Variants in CHST9 observed in about 807,000 individuals in gnomAD.
The protein encoded by CHST9 is GalNAc-4-sulfotransferase 2.
In CHST9, 41 loss-of-function variants were observed where a neutral mutation model predicts 44.4. The observed-to-expected ratio is 0.92, with a 90% CI of 0.72 to 1.20. The LOEUF (loss-of-function observed/expected upper bound fraction) is 1.20, where lower values mean the gene tolerates loss of function less well. CHST9 is among the 50% of genes most tolerant of loss of function. The pLI is 0.00. For synonymous variants in CHST9, 171 were observed against 178.4 expected (o/e 0.96, Z 0.33); for missense variants, 504 against 516.5 (o/e 0.98, Z 0.23).
intron 2 of CHST9, among the ~76,000 whole-genome samples, chr18:27,092,541 GTGTTGATT>G (rs2058079327): frequency 6.6e-6 from 1 of 152,006 alleles, no homozygotes; most frequent in South Asian, 2.1e-4. Context: ...TGGTGTTAGG[GTGTTGATT>G]TTAGATCTTT....
In CHST9 at chr18:26,910,410, A is replaced by G. The variant is rs1025815885; in HGVS notation, c.*5849T>C. 1 of 152,196 alleles carries G rather than the reference A, an allele frequency of 6.6e-6. No individual in the cohort carries two copies. The highest frequency in any genetic ancestry group is 2.4e-5 in the African/African-American group (1 of 41,420). The allele number at this position is 152,196 out of a possible 1,614,324, so 9.4% of individuals were successfully genotyped here. A position where few individuals can be genotyped will look rare whatever the true frequency, so the allele number is the denominator to read the frequency against. On this transcript the variant is annotated 3_prime_UTR_variant, in exon 6 of 6. Coordinates refer to ENST00000618847, the MANE Select transcript of CHST9 (RefSeq NM_031422.6). ...GGAAGCTTGGCGGGGGAAGGAATAC[A>G]CTCTTCAGAGCAGGACTTGAAAAGT...
chr18:27,079,947 C>T (rs537859029), intron 2 of CHST9, among the ~76,000 whole-genome samples: 3 of 152,298 alleles, frequency 2.0e-5, no homozygotes, highest in South Asian at 2.1e-4. Context: ...ATAATCTCCC[C>T]ATCTGGGGTC....
At chr18:26,923,850 G>T (rs1598558943) in intron 5 of CHST9, among the ~76,000 whole-genome samples, 1 of 152,122 alleles carries the variant, frequency 6.6e-6, no homozygotes, top group Non-Finnish European at 1.5e-5. Flanking sequence ...ATTTTTGGGG[G>T]CAAATTTCAC....
chr18:27,027,842 T>C (rs1008768141), intron 3 of CHST9, among the ~76,000 whole-genome samples: 14 of 152,174 alleles, frequency 9.2e-5, no homozygotes. Context: ...GATTTAAGTT[T>C]TTCCCCAATA....
At chr18:26,977,763 G>A (rs1000901924) in intron 4 of CHST9, among the ~76,000 whole-genome samples, 1 of 152,150 alleles carries the variant, frequency 6.6e-6, no homozygotes, top group Non-Finnish European at 1.5e-5. Flanking sequence ...ATTACACTGA[G>A]GCCAGGCAGA....
intron 4 of CHST9, among the ~76,000 whole-genome samples, chr18:27,006,632 TC>T (rs1465669522): frequency 6.6e-6 from 1 of 152,216 alleles, no homozygotes; most frequent in African/African-American, 2.4e-5. Context: ...CAGTTGCAGC[TC>T]TTTTTGTACT....
At chr18:27,182,247 G>A (rs2058918051) in intron 1 of CHST9, among the ~76,000 whole-genome samples, 1 of 151,972 alleles carries the variant, frequency 6.6e-6, no homozygotes, top group South Asian at 2.1e-4. Context: ...AATATCCAAA[G>A]GTTTTAATTA....
chr18:27,101,609 C>A (rs2058173360), intron 2 of CHST9, among the ~76,000 whole-genome samples: 1 of 147,032 alleles, frequency 6.8e-6, no homozygotes, highest in South Asian at 2.2e-4. Flanking sequence ...GACTCTGTCT[C>A]AAAAAAAATA....
chr18:27,128,430 C>T (rs999752748), intron 2 of CHST9, among the ~76,000 whole-genome samples: 1 of 152,066 alleles, frequency 6.6e-6, no homozygotes, highest in Non-Finnish European at 1.5e-5. Context: ...CCATGACGCC[C>T]GGCTAATTTT....
intron 3 of CHST9, among the ~76,000 whole-genome samples, chr18:27,038,498 A>G (rs1568144182): frequency 6.6e-6 from 1 of 152,094 alleles, no homozygotes. Context: ...GTGAGCTGAG[A>G]TCATGCTCCA....
intron 1 of CHST9, among the ~76,000 whole-genome samples, chr18:27,162,118 A>C (rs1348859165): frequency 6.6e-6 from 1 of 152,158 alleles, no homozygotes; most frequent in Non-Finnish European, 1.5e-5. Flanking sequence ...ATTTAAGATT[A>C]ATATTGTTAT....
chr18:27,157,377 G>A (rs1452392521), intron 1 of CHST9, among the ~76,000 whole-genome samples: 1 of 152,056 alleles, frequency 6.6e-6, no homozygotes, highest in African/African-American at 2.4e-5. Context: ...TTCTTATAAA[G>A]TTTGTGAGCC....
intron 1 of CHST9, among the ~76,000 whole-genome samples, chr18:27,163,231 G>T (rs1401832375): frequency 6.6e-6 from 1 of 152,176 alleles, no homozygotes; most frequent in Admixed American, 6.5e-5. Flanking sequence ...CTACTGGGGG[G>T]TGCCTCCCAG....
At chr18:26,937,051 G>A (rs11659808) in intron 5 of CHST9, among the ~76,000 whole-genome samples, 12,393 of 152,118 alleles carry the variant, frequency 0.081, 593 homozygotes, top group South Asian at 0.16. Context: ...ACATTTTATA[G>A]TGAGTGAAAA....
chr18:26,910,141 A>C lies in CHST9; in HGVS notation c.*6118T>G, dbSNP rs1018826151. On this transcript the variant is annotated 3_prime_UTR_variant, in exon 6 of 6. Transcript: ENST00000618847. ...AGAGGTGGGAAGGAATGTCGTTGCC[A>C]GGGGACCCAGTGGCTACGACAGAAA... is the stretch of plus-strand genomic sequence containing the variant. The C allele has an allele frequency of 2.0e-5, 3 of 152,152 alleles. No homozygotes were observed. Among genetic ancestry groups the C allele is most frequent in the Non-Finnish European group, 4.4e-5 (3 of 68,032 alleles). The allele number at this position is 152,152 out of a possible 1,614,324, so 9.4% of individuals were successfully genotyped here. A position where few individuals can be genotyped will look rare whatever the true frequency, so the allele number is the denominator to read the frequency against.
chr18:27,014,677 C>T (rs2057129341), intron 4 of CHST9, among the ~76,000 whole-genome samples: 1 of 151,668 alleles, frequency 6.6e-6, no homozygotes, highest in African/African-American at 2.4e-5. Context: ...AAGTCCACCT[C>T]CTGAAAAAAA....
intron 2 of CHST9, among the ~76,000 whole-genome samples, chr18:27,096,705 A>T (rs1220013664): frequency 2.6e-5 from 4 of 152,104 alleles, no homozygotes; most frequent in Admixed American, 2.6e-4. Context: ...ATTCCTGGTC[A>T]CATACAATCT....
chr18:27,025,763 C>T (rs1254582117), intron 3 of CHST9, among the ~76,000 whole-genome samples: 2 of 152,148 alleles, frequency 1.3e-5, no homozygotes, highest in Non-Finnish European at 2.9e-5. Context: ...AATTGCAACT[C>T]TATATTTACC....
intron 2 of CHST9, among the ~76,000 whole-genome samples, chr18:27,070,001 T>A (rs1007139763): frequency 1.3e-5 from 2 of 152,166 alleles, no homozygotes; most frequent in African/African-American, 4.8e-5. Flanking sequence ...GTTAAATGAT[T>A]TAAAAAGCAA....
Sources: gnomAD v4.1 joint callset for allele counts (sites outside exome capture counted in the v4.1 genomes callset) on GRCh38, gnomAD v4.1.1 for gene constraint, MANE v1.5 for transcripts, NCBI Gene and HGNC (gene_info 2026-07-23, HGNC 2026-07-21) for gene names.